The following DRC3 variants were observed in gnomAD, a reference collection of about 807,000 sequenced individuals.
DRC3 encodes the protein leucine rich repeat containing 48.
Under a neutral mutation model 57.6 loss-of-function variants are expected in DRC3, and 45 were observed. The observed-to-expected ratio is 0.78, with a 90% CI of 0.62 to 1.00. The LOEUF is 1.00. Ranked by LOEUF, DRC3 falls within the 50% of genes least tolerant of loss-of-function variation. The probability of loss-of-function intolerance (pLI) is 0.00; values close to 1 mark genes in which losing one functional copy is unlikely to be tolerated. For synonymous variants in DRC3, 257 were observed against 272.3 expected, an observed-to-expected ratio of 0.94 and a Z score of 0.55; for missense variants, 655 against 675.2, an observed-to-expected ratio of 0.97 and a Z score of 0.33.
chr17:17,983,265 G>A (rs911427489), intron 3 of DRC3, among the ~76,000 whole-genome samples: 5 of 152,316 alleles, frequency 3.3e-5, no homozygotes, highest in African/African-American at 1.2e-4. Context: ...GTGCCTGAGG[G>A]ATTCCTTTGG....
Position 18,006,165 on chromosome 17 carries a change from GTTCT to G in DRC3, c.1132-15_1132-12del. The G allele has an allele frequency of 1.3e-6, 2 of 1,586,980 alleles. No homozygotes were observed. Among genetic ancestry groups the G allele is most frequent in the African/African-American group, 1.3e-5 (1 of 74,534 alleles). ...ACATCTAAATATGCATGTTAACTGTGTTCTTTAACATTTCCAGGAGACTATAAAC... is the reference window on the plus strand; with the variant it reads ...ACATCTAAATATGCATGTTAACTGTGTTAACATTTCCAGGAGACTATAAAC... On this transcript the variant is annotated splice_polypyrimidine_tract_variant and intron_variant, in intron 10 of 13. Transcript: ENST00000399187.
chr17:17,982,201 C>T (rs2145230871), intron 3 of DRC3, among the ~76,000 whole-genome samples: 1 of 151,658 alleles, frequency 6.6e-6, no homozygotes, highest in Middle Eastern at 3.4e-3. Flanking sequence ...CCATGTTGGC[C>T]AGGATGGTCT....
At chr17:17,976,405 C>T (rs368485097) in intron 2 of DRC3, among the ~76,000 whole-genome samples, 82 of 152,302 alleles carry the variant, frequency 5.4e-4, no homozygotes, top group African/African-American at 1.9e-3. Context: ...GGAGGCTGGG[C>T]ACGGTGGCTC....
chr17:18,004,361 A>G lies in DRC3; in HGVS notation c.1000-2A>G, dbSNP rs1278335417. ...TCCTAAAGTGCAGTCTATTGTTTCT[A>G]GAGTTTAAGTGCCATTCGAGAGGAG... On this transcript the variant is annotated splice_acceptor_variant, in intron 9 of 13. Transcript: ENST00000399187. LOFTEE classifies it high-confidence loss of function. 6.3e-7 allele frequency: 1 copy of G among 1,599,528 alleles called. No homozygotes were observed. Among genetic ancestry groups the G allele is most frequent in the African/African-American group, 1.3e-5 (1 of 74,938 alleles).
intron 10 of DRC3, chr17:18,005,365 G>T (rs571188604): frequency 6.6e-6 from 1 of 152,128 alleles, no homozygotes; most frequent in Non-Finnish European, 1.5e-5. Flanking sequence ...ATTATGTGAG[G>T]TGCTCACTCT....
chr17:17,989,238 G>C (rs891006310), intron 5 of DRC3, among the ~76,000 whole-genome samples: 2 of 152,162 alleles, frequency 1.3e-5, no homozygotes, highest in African/African-American at 2.4e-5. Flanking sequence ...AAGCCTGGCC[G>C]CACGCATCGT....
chr17:18,007,117 GGAC>G lies in DRC3; in HGVS notation c.1299_1301del (p.Asp433del). 2 of 1,519,792 alleles carry G rather than the reference GGAC, an allele frequency of 1.3e-6. No individual in the cohort carries two copies. Among genetic ancestry groups the G allele is most frequent in the Non-Finnish European group, 1.8e-6 (2 of 1,122,906 alleles). 94.1% of individuals were successfully genotyped at this position (1,519,792 alleles called of 1,614,324 possible). On this transcript the variant is annotated inframe_deletion, in exon 12 of 14. Transcript: ENST00000399187. ...TGGAGAAGATTGTCGAGGGCGACCT[GGAC>G]GAGGACCTGCCTAACGACCTGCGCG...
At chr17:18,012,724 G>T (rs2145452031) in intron 12 of DRC3, among the ~76,000 whole-genome samples, 1 of 151,244 alleles carries the variant, frequency 6.6e-6, no homozygotes, top group Non-Finnish European at 1.5e-5. Context: ...ATGACCAGAA[G>T]AAAACAAGAG....
chr17:18,007,592 C>T (rs2044027298), intron 12 of DRC3: 6 of 1,455,750 alleles, frequency 4.1e-6, no homozygotes, highest in Non-Finnish European at 5.5e-6. Flanking sequence ...CCAGCACATC[C>T]ACTGATGAAT....
At chr17:17,994,589 G>A (rs2043378372) in intron 7 of DRC3, among the ~76,000 whole-genome samples, 171 bp downstream of exon 7, 1 of 152,200 alleles carries the variant, frequency 6.6e-6, no homozygotes, top group Non-Finnish European at 1.5e-5. Flanking sequence ...GTCTGCCCCA[G>A]GGCCAGCTCC....
chr17:18,012,496 A>G (rs1046143208), intron 12 of DRC3, among the ~76,000 whole-genome samples: 2 of 152,208 alleles, frequency 1.3e-5, no homozygotes, highest in Admixed American at 6.5e-5. Context: ...CCTGGGCAAC[A>G]TGGCAAAGAC....
At position 17,994,354 on chromosome 17, in the gene DRC3, A is replaced by G; in HGVS notation, c.647A>G (p.Glu216Gly). Residue 216 changes from glutamate to glycine, a missense_variant, in exon 7 of 14, where the codon GAG (glutamate) becomes GGG (glycine). Physicochemically the swap from Glu to Gly is moderately conservative, Grantham distance 98. Transcript: ENST00000399187. Reference sequence around the variant, plus strand: ...AGCATCGACGAGCTGAAGCACCAGGAGAACCTGATGCAGGCCCAGCTGGAG... The same window carrying G: ...AGCATCGACGAGCTGAAGCACCAGGGGAACCTGATGCAGGCCCAGCTGGAG... The part of the protein sequence containing the change: ...QYSIDELKHQ[E>G]NLMQAQLEDE... 6.4e-7 allele frequency: 1 copy of G among 1,555,372 alleles called. No individual in the cohort carries two copies. Among genetic ancestry groups the G allele is most frequent in the Non-Finnish European group, 8.7e-7 (1 of 1,149,418 alleles).
At chr17:18,016,344 A>G in intron 13 of DRC3, 149 bp downstream of exon 13, 3 of 958,622 alleles carry the variant, frequency 3.1e-6, no homozygotes, top group Non-Finnish European at 4.7e-6. Flanking sequence ...CACTGAAGAC[A>G]ACATTGCCCA....
rs796577979 is a variant in DRC3 at position 17,994,218 on chromosome 17, A to AGCATGGCAGAGGCG, written c.592-65_592-52dup. On this transcript the variant is annotated intron_variant, in intron 6 of 13. Transcript: ENST00000399187. ...CCCCTGCCCATGCGCGGGAGGCTGC[A>AGCATGGCAGAGGCG]GCATGGCAGAGGCGGCATGGCAGAG... 5.6e-3 allele frequency: 8,486 copies of AGCATGGCAGAGGCG among 1,523,140 alleles called. 177 individuals carry two copies. The African/African-American group carries it at 0.061, about 11-fold the overall frequency. The allele number at this position is 1,523,140 out of a possible 1,614,324, so 94.4% of individuals were successfully genotyped here. A position where few individuals can be genotyped will look rare whatever the true frequency, so the allele number is the denominator to read the frequency against.
In DRC3 at chr17:18,016,758, A is replaced by C; in HGVS notation, c.*87A>C. On this transcript the variant is annotated 3_prime_UTR_variant, in exon 14 of 14. Transcript: ENST00000399187. ...GTGCACACGCCTCACCCGCACCTCT[A>C]GAGAGTTGCTGGGCATCTCTCAACC... 3 of 761,538 alleles carry C rather than the reference A, an allele frequency of 3.9e-6. No homozygotes were observed. The highest frequency in any genetic ancestry group is 6.5e-6 in the Non-Finnish European group (3 of 460,572). The allele number at this position is 761,538 out of a possible 1,614,324, so 47.2% of individuals were successfully genotyped here.
rs369441797 is a variant in DRC3, at chr17:17,997,643, C to G, written c.999+9C>G. ...AGGAGAAGCACTTGTCGGTAGGCCC[C>G]GAGCCTCCTGAGGCCCTCCCTGTCT... On this transcript the variant is annotated intron_variant, in intron 9 of 13. Coordinates refer to ENST00000399187, the MANE Select transcript of DRC3 (RefSeq NM_031294.4). 1.9e-6 allele frequency: 3 copies of G among 1,588,498 alleles called. No individual in the cohort carries two copies. Among genetic ancestry groups the G allele is most frequent in the Non-Finnish European group, 2.6e-6 (3 of 1,168,562 alleles).
chr17:18,007,858 G>A (rs1427752875), intron 12 of DRC3: 47 of 1,008,508 alleles, frequency 4.7e-5, no homozygotes, highest in East Asian at 1.0e-4. Context: ...TCTCTGTCGC[G>A]ACATCACCAC....
intron 10 of DRC3, chr17:18,004,703 G>C: frequency 8.8e-6 from 5 of 566,746 alleles, no homozygotes; most frequent in Non-Finnish European, 1.5e-5. Flanking sequence ...GAAAATGAGA[G>C]GTGAGCTCAT....
At chr17:17,980,227 G>A (rs1484596036) in intron 3 of DRC3, among the ~76,000 whole-genome samples, 3 of 152,092 alleles carry the variant, frequency 2.0e-5, no homozygotes, top group Admixed American at 1.3e-4. Context: ...ATATTGAAAC[G>A]GCAGCTGGAC....
Sources: allele counts gnomAD v4.1 joint callset (sites outside exome capture counted in the v4.1 genomes callset), GRCh38; gene constraint gnomAD v4.1.1; transcripts MANE v1.5; gene names NCBI Gene and HGNC (gene_info 2026-07-23, HGNC 2026-07-21).